Variants in NCOR2 observed in about 807,000 individuals in gnomAD.
NCOR2 encodes the protein nuclear receptor corepressor 2.
Under a neutral mutation model 262.9 loss-of-function variants are expected in NCOR2, and 81 were observed. The observed-to-expected ratio is 0.31, with a 90% CI of 0.26 to 0.37. The LOEUF (loss-of-function observed/expected upper bound fraction) is 0.37, where lower values mean the gene tolerates loss of function less well. Ranked by LOEUF, NCOR2 falls within the 10% of genes least tolerant of loss-of-function variation. The probability of loss-of-function intolerance (pLI) is 1.00; values close to 1 mark genes in which losing one functional copy is unlikely to be tolerated. For synonymous variants in NCOR2, 1,659 were observed against 1,559.3 expected (o/e 1.06, Z -1.51); for missense variants, 3,385 against 3,621.4 (o/e 0.93, Z 1.68).
intron 1 of NCOR2, among the ~76,000 whole-genome samples, chr12:124,526,968 C>T (rs893301003): frequency 1.3e-5 from 2 of 152,184 alleles, no homozygotes; most frequent in Non-Finnish European, 2.9e-5. Context: ...CAATCAGGGC[C>T]GCTGAAAGAG....
rs563740810 is a variant in NCOR2, at chr12:124,449,865, C to T, written c.765G>A (p.Pro255=). ...GGGTGTCGGAGGGCTGGTTGTACAG[C>T]GGCTGCAAAGGGAGAGAGAGAAGCA... The change falls in exon 7 of 47, where the codon CCG becomes CCA. Residue 255 remains proline (P), a splice_region_variant and synonymous_variant. Coordinates refer to ENST00000405201, the Ensembl canonical transcript of NCOR2. 47 of 1,613,912 alleles carry T rather than the reference C, an allele frequency of 2.9e-5. No homozygotes were observed. In the Admixed American group the frequency reaches 3.2e-4, roughly 11 times the overall value.
At chr12:124,522,392 C>T (rs2050236922) in intron 1 of NCOR2, among the ~76,000 whole-genome samples, 1 of 152,164 alleles carries the variant, frequency 6.6e-6, no homozygotes, top group African/African-American at 2.4e-5. Context: ...AAGGTGTCAC[C>T]AGGGCCACAC....
exon 45 of NCOR2, chr12:124,327,573 T>A: frequency 6.2e-7 from 1 of 1,613,588 alleles, no homozygotes; most frequent in Non-Finnish European, 8.5e-7. Flanking sequence ...AATTATGGCC[T>A]CCAGCCCCAT....
chr12:124,425,395 GA>G (rs924973438), intron 11 of NCOR2, among the ~76,000 whole-genome samples: 6 of 149,646 alleles, frequency 4.0e-5, no homozygotes, highest in East Asian at 2.0e-4. Context: ...AGAAAAAAAG[GA>G]AAAAAAAACC....
In NCOR2 at chr12:124,374,393, C is replaced by G. The variant is rs763081439; in HGVS notation, c.2218+20G>C. The G allele has an allele frequency of 4.3e-6, 7 of 1,611,748 alleles. No individual in the cohort carries two copies. The East Asian group carries it at 1.6e-4, about 36-fold the overall frequency. ...CCCCGGCCCGGCCCTACCCCCCAGG[C>G]CAGCCGGCCACATTCGTACCTGGGC... On this transcript the variant is annotated intron_variant, in intron 19 of 46. Coordinates refer to ENST00000405201, the Ensembl canonical transcript of NCOR2.
intron 1 of NCOR2, among the ~76,000 whole-genome samples, chr12:124,491,871 G>A (rs1193715044): frequency 6.6e-6 from 1 of 152,188 alleles, no homozygotes; most frequent in Admixed American, 6.5e-5. Flanking sequence ...GAGAAGCTGG[G>A]CCCCTGAGGA....
chr12:124,355,679 C>T lies in NCOR2; in HGVS notation c.3242-108G>A, dbSNP rs149269289. On this transcript the variant is annotated intron_variant, in intron 23 of 46. Coordinates refer to ENST00000405201, the Ensembl canonical transcript of NCOR2. ...TCTTCCCTGTCCTGGCCAGGAAGTGCCCATCCATGCGCACTCCTCTATTGC... is the reference window on the plus strand; with the variant it reads ...TCTTCCCTGTCCTGGCCAGGAAGTGTCCATCCATGCGCACTCCTCTATTGC... 288 of 1,407,792 alleles carry T rather than the reference C, an allele frequency of 2.0e-4. 1 individual carries two copies. The Middle Eastern group carries it at 2.1e-3, about 10-fold the overall frequency. The allele number at this position is 1,407,792 out of a possible 1,614,324, so 87.2% of individuals were successfully genotyped here.
At chr12:124,379,935 C>G (rs376268335) in intron 17 of NCOR2, among the ~76,000 whole-genome samples, 1 of 152,356 alleles carries the variant, frequency 6.6e-6, no homozygotes, top group African/African-American at 2.4e-5. Flanking sequence ...CGCTGGAAGA[C>G]GGAAGAGGCT....
intron 41 of NCOR2, 101 bp from the exon 44 acceptor site, chr12:124,333,380 C>A: frequency 8.8e-7 from 1 of 1,136,104 alleles, no homozygotes. Flanking sequence ...TTTTCCTGTA[C>A]GTGGCCAAAT....
At chr12:124,472,089 T>C (rs1156552079) in intron 4 of NCOR2, among the ~76,000 whole-genome samples, 2 of 151,956 alleles carry the variant, frequency 1.3e-5, no homozygotes, top group African/African-American at 4.8e-5. Context: ...GAACCCGGGA[T>C]AGAGGAGGGT....
Position 124,371,947 on chromosome 12 carries a change from G to C in NCOR2, c.2807+75C>G, listed in dbSNP as rs2039555893. On this transcript the variant is annotated intron_variant, in intron 20 of 46. Transcript: ENST00000405201. ...AGCAGGCAGAGCCAGACTGGGTGCG[G>C]CTGTCTAAGTAGGTAGTCGCTGCTC... 3 of 1,414,102 alleles carry C rather than the reference G, an allele frequency of 2.1e-6. No homozygotes were observed. In the African/African-American group the frequency reaches 4.3e-5, roughly 20 times the overall value. The allele number at this position is 1,414,102 out of a possible 1,614,324, so 87.6% of individuals were successfully genotyped here. A position where few individuals can be genotyped will look rare whatever the true frequency, so the allele number is the denominator to read the frequency against.
chr12:124,403,698 C>T (rs765920666), intron 13 of NCOR2, among the ~76,000 whole-genome samples: 2 of 152,158 alleles, frequency 1.3e-5, no homozygotes, highest in Non-Finnish European at 2.9e-5. Context: ...GAGGAGGGAT[C>T]GGGGAGGTGA....
intron 3 of NCOR2, among the ~76,000 whole-genome samples, chr12:124,474,268 G>A (rs757677855): frequency 2.6e-5 from 4 of 152,302 alleles, no homozygotes; most frequent in South Asian, 2.1e-4. Context: ...CCAAACACAC[G>A]GAAAAGCCAT....
In NCOR2 at chr12:124,356,653, T is replaced by C. The variant is rs767966944; in HGVS notation, c.3230A>G (p.Tyr1077Cys). The change falls in exon 23 of 47, where the codon TAC becomes TGC. Residue 1077 changes from tyrosine (Y) to cysteine (C), a missense_variant. Physicochemically the swap from Tyr to Cys is radical, Grantham distance 194. Around this residue, in one of 5 missense-constraint regions of NCOR2, gnomAD observed 1,615 missense variants for 1,626.9 expected, o/e 0.99. Coordinates refer to ENST00000405201, the Ensembl canonical transcript of NCOR2. Reference sequence around the variant, plus strand: ...GCGGAGCTACTTACCAGGTGGAGCGTAGGAGAAGGCTGAGGGGTCCGGGGC... The same window carrying C: ...GCGGAGCTACTTACCAGGTGGAGCGCAGGAGAAGGCTGAGGGGTCCGGGGC... The C allele has an allele frequency of 4.9e-6, 7 of 1,442,084 alleles. No homozygotes were observed. Among genetic ancestry groups the C allele is most frequent in the Middle Eastern group, 1.8e-4 (1 of 5,494 alleles). The allele number at this position is 1,442,084 out of a possible 1,614,324, so 89.3% of individuals were successfully genotyped here.
Position 124,440,998 on chromosome 12 carries a change from T to C in NCOR2, c.816-3002A>G, listed in dbSNP as rs2044770238. Among the ~76,000 whole-genome samples the C allele has an allele frequency of 2.6e-5, 4 of 152,082 alleles. No homozygotes were observed. The South Asian group carries it at 8.3e-4, about 32-fold the overall frequency. ...GGGGCAGAGAGGACGGAGGAGGGGC[T>C]GTGAGCAAGACTGGCAGGGCCAGTC... On this transcript the variant is annotated intron_variant, in intron 7 of 46. Transcript: ENST00000405201. The surrounding 1 kb of genome is among the most constrained non-coding windows in gnomAD (Gnocchi z 5.7).
At chr12:124,466,788 G>A (rs760796639) in intron 4 of NCOR2, among the ~76,000 whole-genome samples, 2 of 152,024 alleles carry the variant, frequency 1.3e-5, no homozygotes, top group Non-Finnish European at 2.9e-5. Context: ...CCTACTTACT[G>A]CGTAGCCTTG....
intron 1 of NCOR2, among the ~76,000 whole-genome samples, chr12:124,522,482 C>T (rs1230430913): frequency 2.0e-5 from 3 of 152,192 alleles, no homozygotes; most frequent in Admixed American, 6.5e-5. Context: ...TCCGTCTTCA[C>T]GTGGACTTCT....
At chr12:124,546,772 G>A (rs1165816067) in intron 1 of NCOR2, among the ~76,000 whole-genome samples, 6 of 151,818 alleles carry the variant, frequency 4.0e-5, no homozygotes, top group South Asian at 2.1e-4. Context: ...TTGCACCGTC[G>A]CGTCCTGTCC....
Position 124,528,951 on chromosome 12 carries a change from G to A in NCOR2, c.-118+6614C>T, listed in dbSNP as rs137876800. 3.9e-3 allele frequency among the ~76,000 whole-genome samples: 601 copies of A among 152,232 alleles called. 5 individuals carry two copies. Among genetic ancestry groups the A allele is most frequent in the East Asian group, 0.014 (74 of 5,184 alleles). On this transcript the variant is annotated intron_variant, in intron 1 of 46. Transcript: ENST00000404621. ...TCCCAACAGTTTGGGAGGCCGAGGC[G>A]GGCAGATCACCTGAGGTCGGGAATT...
Sources: allele counts gnomAD v4.1 joint callset (sites outside exome capture counted in the v4.1 genomes callset), GRCh38; gene constraint gnomAD v4.1.1; regional missense constraint gnomAD v4.1.1; non-coding constraint Gnocchi (gnomAD v3.1); transcripts MANE v1.5; gene names NCBI Gene and HGNC (gene_info 2026-07-23, HGNC 2026-07-21).